SMC4: variants seen among roughly 807,000 people sequenced by gnomAD.
SMC4 encodes the protein structural maintenance of chromosomes 4.
In SMC4, 87 loss-of-function variants were observed where a neutral mutation model predicts 145.6. That is an observed-to-expected ratio of 0.60 (90% CI 0.50 to 0.71). The LOEUF (loss-of-function observed/expected upper bound fraction) is 0.71. Among genes scored for constraint, SMC4 ranks in the 30% least tolerant of loss-of-function variants. SMC4 has a pLI of 0.00. For missense variants in SMC4, 1,447 were observed against 1,537.1 expected (o/e 0.94, Z 0.98); for synonymous variants, 558 against 500.7 (o/e 1.11, Z -1.53).
intron 5 of SMC4, among the ~76,000 whole-genome samples, chr3:160,408,753 C>G (rs1333765759): frequency 1.3e-5 from 2 of 151,996 alleles, no homozygotes; most frequent in African/African-American, 2.4e-5. Context: ...TGTCAATCTA[C>G]AGATTACATA....
chr3:160,417,909 A>G lies in SMC4; in HGVS notation c.1624A>G (p.Arg542Gly), dbSNP rs138773514. Reference protein sequence around the residue: ...ETLKERKAAIRDIEGKLPQTE... With the variant: ...ETLKERKAAIGDIEGKLPQTE... ...TCTCAAAGAAAGGAAAGCTGCAATC[A>G]GAGATATAGAAGGAAAACTCCCTCA... The change falls in exon 11 of 24, where the codon AGA becomes GGA. Residue 542 changes from arginine (R) to glycine (G), a missense_variant. By Grantham distance (125) the Arg-to-Gly change is moderately radical. Transcript: ENST00000357388. The G allele has an allele frequency of 1.2e-6, 2 of 1,613,006 alleles. No homozygotes were observed. Among genetic ancestry groups the G allele is most frequent in the Non-Finnish European group, 1.7e-6 (2 of 1,179,576 alleles).
In SMC4 at chr3:160,412,320, C is replaced by T; in HGVS notation, c.853-6C>T. On this transcript the variant is annotated splice_region_variant and splice_polypyrimidine_tract_variant and intron_variant, in intron 6 of 23. Coordinates refer to ENST00000357388, the MANE Select transcript of SMC4 (RefSeq NM_001002800.3). ...TATTCAGTCTTTAAACTTTTAATTT[C>T]TGTAGTTAAACAGGGTAAAGATGGT... is the stretch of plus-strand genomic sequence containing the variant. 6.3e-7 allele frequency: 1 copy of T among 1,584,460 alleles called. No homozygotes were observed. The highest frequency in any genetic ancestry group is 8.6e-7 in the Non-Finnish European group (1 of 1,159,846).
chr3:160,401,679 G>A (rs1456348164), intron 2 of SMC4, among the ~76,000 whole-genome samples: 2 of 152,236 alleles, frequency 1.3e-5, no homozygotes, highest in African/African-American at 4.8e-5. Flanking sequence ...GTGACCGGTG[G>A]CATTTCTTTC....
At chr3:160,432,844 C>T (rs1718556850) in intron 22 of SMC4, 182 bp from the exon 23 acceptor site, 4 of 565,190 alleles carry the variant, frequency 7.1e-6, no homozygotes, top group Non-Finnish European at 1.3e-5. Context: ...TTGGTATGTG[C>T]TCCTATGTAT....
At chr3:160,421,478 G>T (rs908518274) in intron 13 of SMC4, among the ~76,000 whole-genome samples, 1 of 152,032 alleles carries the variant, frequency 6.6e-6, no homozygotes, top group African/African-American at 2.4e-5. Flanking sequence ...AGGTGCGGTG[G>T]CTCATGCCTG....
In SMC4 at chr3:160,404,500, T is replaced by G; in HGVS notation, c.683T>G (p.Leu228Ter). Reference sequence around the variant, plus strand: ...TTGGACCATAATAGATTTTTAATTTTACAGGTAAGTTTATTAAAGACTTCA... The same window carrying G: ...TTGGACCATAATAGATTTTTAATTTGACAGGTAAGTTTATTAAAGACTTCA... The part of the protein sequence containing the change: ...IDLDHNRFLI[L>*]QGEVEQIAMM... Residue 228 changes from leucine (L) to a stop codon, truncating the protein, a stop_gained, in exon 5 of 24, where the codon TTA becomes TGA. Transcript: ENST00000357388. LOFTEE classifies it high-confidence loss of function. 1.2e-6 allele frequency: 2 copies of G among 1,602,172 alleles called. No homozygotes were observed. Among genetic ancestry groups the G allele is most frequent in the Non-Finnish European group, 1.7e-6 (2 of 1,176,554 alleles).
chr3:160,401,406 A>G (rs1160834369), intron 2 of SMC4, among the ~76,000 whole-genome samples: 1 of 152,126 alleles, frequency 6.6e-6, no homozygotes, highest in African/African-American at 2.4e-5. Context: ...AGAGAAGACG[A>G]TAATTTATTT....
At chr3:160,413,745 G>GAAA in intron 8 of SMC4, 132 bp downstream of exon 8, 1 of 442,450 alleles carries the variant, frequency 2.3e-6, no homozygotes. Context: ...CCCCCTTAGT[G>GAAA]AAAAAAAAAA....
At chr3:160,431,349 G>C in intron 20 of SMC4, 144 bp downstream of exon 20, 1 of 694,440 alleles carries the variant, frequency 1.4e-6, no homozygotes, top group East Asian at 2.9e-5. Context: ...TCACTTCTAA[G>C]GTTTATAGGG....
In SMC4 at chr3:160,431,728, A is replaced by G; in HGVS notation, c.3200A>G (p.Lys1067Arg). The change falls in exon 21 of 24, where the codon AAG becomes AGG. Residue 1067 changes from lysine (K) to arginine (R), a missense_variant. Lys to Arg is a conservative substitution (Grantham distance 26). Coordinates refer to ENST00000357388, the MANE Select transcript of SMC4 (RefSeq NM_001002800.3). ...VLSPEDLEAIKNPDSITNQIA... is the reference protein window; with the variant it reads ...VLSPEDLEAIRNPDSITNQIA... The stretch of plus-strand genomic sequence containing the variant: ...AGCCCAGAGGATCTTGAAGCGATCA[A>G]GAATCCAGATTCTATAACAAATCAA... 6.2e-7 allele frequency: 1 copy of G among 1,614,086 alleles called. No individual in the cohort carries two copies. Among genetic ancestry groups the G allele is most frequent in the Non-Finnish European group, 8.5e-7 (1 of 1,180,002 alleles).
intron 1 of SMC4, 38 bp from the exon 2 acceptor site, chr3:160,400,784 C>T: frequency 1.4e-6 from 2 of 1,460,940 alleles, no homozygotes; most frequent in South Asian, 1.3e-5. Context: ...TGTAGCGGCC[C>T]GCGGGCTGAC....
chr3:160,423,373 GTTTTCT>G, intron 13 of SMC4, 46 bp from the exon 14 acceptor site: 1 of 651,762 alleles, frequency 1.5e-6, no homozygotes, highest in Non-Finnish European at 2.2e-6. Flanking sequence ...TTTTTTTTGA[GTTTTCT>G]TTTTTGTTAA....
intron 15 of SMC4, 86 bp downstream of exon 15, chr3:160,423,926 T>G: frequency 2.0e-6 from 2 of 990,886 alleles, no homozygotes; most frequent in Non-Finnish European, 2.9e-6. Context: ...AATTTGGCCA[T>G]TTTAAGTATG....
In SMC4 at chr3:160,426,477, T is replaced by C. The variant is rs17217137; in HGVS notation, c.2605+277T>C. On this transcript the variant is annotated intron_variant, in intron 17 of 23. Transcript: ENST00000357388. ...TGTCATACTTTGTATACTTTGGCCC[T>C]AATCTTTCCAAAACCCCTTCAAGAT... Among the ~76,000 whole-genome samples the C allele has an allele frequency of 5.4e-3, 824 of 152,348 alleles. 32 individuals carry two copies. In the East Asian group the frequency reaches 0.1, roughly 19 times the overall value.
rs1472970311 is a variant in SMC4, at chr3:160,419,536, G to A, written c.1850G>A (p.Gly617Glu). The change falls in exon 12 of 24, where the codon GGA (glycine) becomes GAA (glutamate). Residue 617 changes from glycine (G) to glutamate (E), a missense_variant. Transcript: ENST00000357388. Reference protein sequence around the residue: ...KKSGRIPGIYGRLGDLGAIDE... With the variant: ...KKSGRIPGIYERLGDLGAIDE... ...TCTGGCAGGATTCCAGGAATATATG[G>A]AAGATTGGTAAAGTAGATTTTTGGG... 1.9e-6 allele frequency: 3 copies of A among 1,589,626 alleles called. No homozygotes were observed. The Admixed American group carries it at 5.7e-5, about 30-fold the overall frequency.
At position 160,432,480 on chromosome 3, in the gene SMC4, C is replaced by T. The variant is rs763424971; in HGVS notation, c.3495C>T (p.Asp1165=). Residue 1165 remains aspartate (D), a synonymous_variant, in exon 22 of 24, where the codon GAC becomes GAT. Transcript: ENST00000357388. ...GGGACGCCGAACTCGAGCTTGTAGA[C>T]AGCTTGGATCCTTTCTCTGAAGGAA... The part of the protein sequence containing the change: ...LGGDAELELV[D]SLDPFSEGIM... The T allele has an allele frequency of 1.4e-5, 22 of 1,608,766 alleles. No individual in the cohort carries two copies. The Admixed American group carries it at 3.7e-4, about 27-fold the overall frequency.
chr3:160,430,530 T>G, intron 18 of SMC4, 69 bp from the exon 19 acceptor site: 1 of 1,300,736 alleles, frequency 7.7e-7, no homozygotes, highest in East Asian at 2.5e-5. Flanking sequence ...GAAAAGTTCT[T>G]TAGTAGGTTT....
chr3:160,420,416 G>C (rs1364803102), intron 12 of SMC4, among the ~76,000 whole-genome samples: 1 of 152,138 alleles, frequency 6.6e-6, no homozygotes, highest in South Asian at 2.1e-4. Context: ...ACAGATAAAT[G>C]TGTTTCATCA....
chr3:160,419,516 C>T lies in SMC4; in HGVS notation c.1830C>T (p.Gly610=). ...LDAIIQEKKS[G]RIPGIYGRLG... Reference sequence around the variant, plus strand: ...CAATAATTCAAGAAAAAAAATCTGGCAGGATTCCAGGAATATATGGAAGAT... The same window carrying T: ...CAATAATTCAAGAAAAAAAATCTGGTAGGATTCCAGGAATATATGGAAGAT... Residue 610 remains glycine (G), a synonymous_variant, in exon 12 of 24, where the codon GGC becomes GGT. Coordinates refer to ENST00000357388, the MANE Select transcript of SMC4 (RefSeq NM_001002800.3). 1 of 1,601,164 alleles carries T rather than the reference C, an allele frequency of 6.2e-7. No individual in the cohort carries two copies. Among genetic ancestry groups the T allele is most frequent in the African/African-American group, 1.4e-5 (1 of 73,692 alleles).
Sources: gnomAD v4.1 joint callset for allele counts (sites outside exome capture counted in the v4.1 genomes callset) on GRCh38, gnomAD v4.1.1 for gene constraint, MANE v1.5 for transcripts, NCBI Gene and HGNC (gene_info 2026-07-23, HGNC 2026-07-21) for gene names.